Variants in CNIH3 observed in about 807,000 individuals in gnomAD.
CNIH3 encodes protein cornichon homolog 3.
Under a neutral mutation model 24.1 loss-of-function variants are expected in CNIH3, and 14 were observed. That is an observed-to-expected ratio of 0.58 (90% CI 0.38 to 0.91). The LOEUF (loss-of-function observed/expected upper bound fraction) is 0.91, where lower values mean the gene tolerates loss of function less well. CNIH3 is among the 40% of genes least tolerant of loss of function. The pLI, the probability that CNIH3 is intolerant of heterozygous loss-of-function variation, is 0.00. For synonymous variants in CNIH3, 68 were observed against 73.8 expected (o/e 0.92, Z 0.40); for missense variants, 178 against 196.8 (o/e 0.90, Z 0.57).
chr1:224,631,051 C>G lies in CNIH3; in HGVS notation c.81+13796C>G, dbSNP rs139951264. ...GTGCGTGCCTGTCATCCCAGCTACT[C>G]GGGAGGCTGAGGCAGGAGAATCACT... On this transcript the variant is annotated intron_variant, in intron 1 of 5. Coordinates refer to ENST00000272133, the MANE Select transcript of CNIH3 (RefSeq NM_152495.2). 1.2e-3 allele frequency among the ~76,000 whole-genome samples: 183 copies of G among 152,114 alleles called. 1 individual carries two copies. The East Asian group carries it at 0.034, about 28-fold the overall frequency.
At chr1:224,593,312 G>A (rs1681841963), downstream of CNIH3, among the ~76,000 whole-genome samples, 1 of 152,052 alleles carries the variant, frequency 6.6e-6, no homozygotes, top group Admixed American at 6.5e-5. Context: ...GTGGCACCAT[G>A]CCCAGCTATC....
chr1:224,443,688 T>G (rs1211383160), intron 1 of CNIH3, among the ~76,000 whole-genome samples: 171 of 102,200 alleles, frequency 1.7e-3, no homozygotes, highest in Non-Finnish European at 2.5e-3. Flanking sequence ...GATAGATATC[T>G]ATAGATATAG....
chr1:224,613,247 C>T (rs1275570474), upstream of CNIH3, among the ~76,000 whole-genome samples: 6 of 152,140 alleles, frequency 3.9e-5, no homozygotes, highest in Non-Finnish European at 7.3e-5. Context: ...GTGATCCACC[C>T]GCCTCAGCCT....
rs1213310482 is a variant in CNIH3, at chr1:224,475,248, C to T, written n.203+40386C>T. ...GCATGCGCCTGTAGTCCCAGCTACT[C>T]GGGAGGCTGAGGCAGGAGAAGGGCA... On this transcript the variant is annotated intron_variant and non_coding_transcript_variant, in intron 1 of 5. Coordinates refer to the CNIH3 transcript ENST00000471578. 2.0e-3 allele frequency among the ~76,000 whole-genome samples: 232 copies of T among 117,566 alleles called. No homozygotes were observed. The Middle Eastern group carries it at 0.026, about 13-fold the overall frequency. The allele number at this position is 117,566 out of a possible 152,430, so 77.1% of individuals were successfully genotyped here. A position where few individuals can be genotyped will look rare whatever the true frequency, so the allele number is the denominator to read the frequency against.
At chr1:224,490,496 T>C (rs1365777765) in intron 1 of CNIH3, among the ~76,000 whole-genome samples, 1 of 152,214 alleles carries the variant, frequency 6.6e-6, no homozygotes, top group Non-Finnish European at 1.5e-5. Context: ...CAGTTTTTCT[T>C]TATGGTCAAG....
At chr1:224,563,489 G>GTGTGTT (rs1033964087) in intron 3 of CNIH3, among the ~76,000 whole-genome samples, 3 of 143,704 alleles carry the variant, frequency 2.1e-5, no homozygotes, top group African/African-American at 7.7e-5. Flanking sequence ...GTGTGTGTGT[G>GTGTGTT]TGTGTGTGTA....
intron 3 of CNIH3, among the ~76,000 whole-genome samples, chr1:224,695,383 CA>C (rs1687115324): frequency 1.3e-5 from 2 of 151,228 alleles, no homozygotes; most frequent in African/African-American, 2.4e-5. Flanking sequence ...CACACACACA[CA>C]CACACACACA....
intron 1 of CNIH3, among the ~76,000 whole-genome samples, chr1:224,451,591 T>C (rs572264331): frequency 6.6e-6 from 1 of 152,362 alleles, no homozygotes; most frequent in Non-Finnish European, 1.5e-5. Context: ...GAGTATTGAC[T>C]ATCTAGAAAA....
chr1:224,510,040 C>T (rs961590644), intron 1 of CNIH3, among the ~76,000 whole-genome samples: 4 of 152,204 alleles, frequency 2.6e-5, no homozygotes, highest in Non-Finnish European at 4.4e-5. Context: ...GTCTGCTTCC[C>T]GTGGGCTCCT....
In CNIH3 at chr1:224,563,371, A is replaced by G. The variant is rs116789836; in HGVS notation, n.451-2828A>G. 3.9e-5 allele frequency among the ~76,000 whole-genome samples: 6 copies of G among 152,232 alleles called. No individual in the cohort carries two copies. In the South Asian group the frequency reaches 1.0e-3, roughly 26 times the overall value. On this transcript the variant is annotated intron_variant and non_coding_transcript_variant, in intron 3 of 5. Coordinates refer to the CNIH3 transcript ENST00000471578. ...TGTCAGAGAAGGGGAGAGAAGGACAATAGAAAGTAGAGCAATGTAGAGAAG... is the reference window on the plus strand; with the variant it reads ...TGTCAGAGAAGGGGAGAGAAGGACAGTAGAAAGTAGAGCAATGTAGAGAAG...
At chr1:224,448,038 T>C (rs1371575739) in intron 1 of CNIH3, among the ~76,000 whole-genome samples, 5 of 151,960 alleles carry the variant, frequency 3.3e-5, no homozygotes, top group African/African-American at 4.8e-5. Context: ...TATATAGTCT[T>C]TCAAGTGGCA....
intron 1 of CNIH3, among the ~76,000 whole-genome samples, chr1:224,647,039 C>T (rs575302544): frequency 6.6e-5 from 10 of 152,218 alleles, no homozygotes; most frequent in African/African-American, 9.6e-5. Flanking sequence ...CAAGCCAGGG[C>T]GCAGTGGTGC....
chr1:224,706,079 T>A (rs893718183), intron 3 of CNIH3, among the ~76,000 whole-genome samples: 7 of 152,168 alleles, frequency 4.6e-5, no homozygotes, highest in African/African-American at 9.7e-5. Context: ...GGACTGAGTC[T>A]GTTATGAGTC....
chr1:224,550,100 A>T (rs1418100087), intron 3 of CNIH3, among the ~76,000 whole-genome samples: 2 of 152,188 alleles, frequency 1.3e-5, no homozygotes, highest in Non-Finnish European at 2.9e-5. Flanking sequence ...TGTAGATATT[A>T]TAGAAATATC....
intron 1 of CNIH3, among the ~76,000 whole-genome samples, chr1:224,641,499 C>T (rs1002511339): frequency 1.3e-5 from 2 of 152,226 alleles, no homozygotes; most frequent in Non-Finnish European, 2.9e-5. Context: ...TGGTTTGTAC[C>T]TTCCAGCTAT....
At chr1:224,613,741 TG>T (rs1321291258), upstream of CNIH3, among the ~76,000 whole-genome samples, 1 of 152,208 alleles carries the variant, frequency 6.6e-6, no homozygotes, top group Non-Finnish European at 1.5e-5. Flanking sequence ...TGCCTGCTCC[TG>T]CTTCACCTTC....
intron 4 of CNIH3, among the ~76,000 whole-genome samples, chr1:224,734,164 A>C (rs1689477888): frequency 6.6e-6 from 1 of 152,214 alleles, no homozygotes; most frequent in Admixed American, 6.5e-5. Flanking sequence ...ATTTTCAATA[A>C]GGGTCTGTGT....
chr1:224,654,349 TCCAGCCTAGG>T (rs1339428490), intron 1 of CNIH3, among the ~76,000 whole-genome samples: 2 of 152,200 alleles, frequency 1.3e-5, no homozygotes, highest in Non-Finnish European at 2.9e-5. Flanking sequence ...ACCACTGCAC[TCCAGCCTAGG>T]CAACAGAGCA....
intron 4 of CNIH3, among the ~76,000 whole-genome samples, chr1:224,569,569 C>T (rs1234202031): frequency 6.6e-6 from 1 of 152,106 alleles, no homozygotes. Context: ...GATTACAGGA[C>T]ACATGCATCT....
Sources: gnomAD v4.1 joint callset for allele counts (sites outside exome capture counted in the v4.1 genomes callset) on GRCh38, gnomAD v4.1.1 for gene constraint, MANE v1.5 for transcripts, NCBI Gene and HGNC (gene_info 2026-07-23, HGNC 2026-07-21) for gene names.